Variants in CWC15 observed in about 807,000 individuals in gnomAD.
CWC15 encodes spliceosome-associated protein CWC15 homolog.
Under a neutral mutation model 28.4 loss-of-function variants are expected in CWC15, and 12 were observed. The ratio of observed to expected loss-of-function variants is 0.42; its 90% CI spans 0.27 to 0.69. The LOEUF (loss-of-function observed/expected upper bound fraction) is 0.69. CWC15 is among the 30% of genes least tolerant of loss of function. CWC15 has a pLI of 0.23. For synonymous variants in CWC15, 92 were observed against 88.4 expected, an observed-to-expected ratio of 1.04 and a Z score of -0.23; for missense variants, 192 against 271.5, an observed-to-expected ratio of 0.71 and a Z score of 2.06.
rs1555096124 is a variant in CWC15 at position 94,971,056 on chromosome 11, G to A, written c.254C>T (p.Thr85Ile). ...NRDRPTREHT[T>I]SSSVSKKPRL... ...TGGCTTTTTTGACACTGAAGAGGAG[G>A]TTGTATGTTCTGGGGGGAAACAAAA... The change falls in exon 4 of 7, where the codon ACC (threonine) becomes ATC (isoleucine). Residue 85 changes from threonine to isoleucine, a missense_variant. This residue lies in a region of CWC15 where 188 missense variants were observed against 250.3 expected (regional missense o/e 0.75). Coordinates refer to ENST00000279839, the MANE Select transcript of CWC15 (RefSeq NM_016403.4). 1 of 1,613,388 alleles carries A rather than the reference G, an allele frequency of 6.2e-7. No homozygotes were observed. The highest frequency in any genetic ancestry group is 8.5e-7 in the Non-Finnish European group (1 of 1,179,362).
chr11:94,969,478 ACT>A lies in CWC15; in HGVS notation c.441+509_441+510del, dbSNP rs200948441. Among the ~76,000 whole-genome samples, 28 of 151,600 alleles carry A rather than the reference ACT, an allele frequency of 1.8e-4. No homozygotes were observed. In the East Asian group the frequency reaches 5.2e-3, roughly 28 times the overall value. Reference sequence around the variant, plus strand: ...CTCCTCAGTTTCACCTCTTATTATCACTCTGGGTAATTTATTCAGAATTTTAA... The same window carrying A: ...CTCCTCAGTTTCACCTCTTATTATCACTGGGTAATTTATTCAGAATTTTAA... On this transcript the variant is annotated intron_variant, in intron 5 of 6. Coordinates refer to ENST00000279839, the MANE Select transcript of CWC15 (RefSeq NM_016403.4).
Position 94,963,319 on chromosome 11 carries a change from ACT to A in CWC15, c.*64_*65del. 7.5e-7 allele frequency: 1 copy of A among 1,336,470 alleles called. No homozygotes were observed. The highest frequency in any genetic ancestry group is 9.9e-7 in the Non-Finnish European group (1 of 1,010,258). 82.8% of individuals were successfully genotyped at this position (1,336,470 alleles called of 1,614,324 possible). A position where few individuals can be genotyped will look rare whatever the true frequency, so the allele number is the denominator to read the frequency against. On this transcript the variant is annotated 3_prime_UTR_variant, in exon 7 of 7. Transcript: ENST00000279839. ...TTAGACAGGGGAAAAGAAAAAAAAA[ACT>A]CATAAAAAAAGTCAGAATGATCCTT... is the stretch of plus-strand genomic sequence containing the variant.
chr11:94,963,358 G>T lies in CWC15; in HGVS notation c.*27C>A. On this transcript the variant is annotated 3_prime_UTR_variant, in exon 7 of 7. Transcript: ENST00000279839. ...TCAGAATGATCCTTTACGTTTTACA[G>T]TCTTTAATTAAGCACATAAAACTGT... 6.6e-7 allele frequency: 1 copy of T among 1,520,380 alleles called. No individual in the cohort carries two copies. Among genetic ancestry groups the T allele is most frequent in the Non-Finnish European group, 8.8e-7 (1 of 1,130,588 alleles). 94.2% of individuals were successfully genotyped at this position (1,520,380 alleles called of 1,614,324 possible). A position where few individuals can be genotyped will look rare whatever the true frequency, so the allele number is the denominator to read the frequency against.
rs76382407 is a variant in CWC15, at chr11:94,966,641, T to G, written c.442-228A>C. Among the ~76,000 whole-genome samples, 873 of 151,960 alleles carry G rather than the reference T, an allele frequency of 5.7e-3. 6 individuals carry two copies. Among genetic ancestry groups the G allele is most frequent in the South Asian group, 0.03 (143 of 4,800 alleles). On this transcript the variant is annotated intron_variant, in intron 5 of 6. Transcript: ENST00000279839. Reference sequence around the variant, plus strand: ...ATTTTTATTATAAATATTTCATGGTTGATATCATACAGTAATTAGTCTCTT... The same window carrying G: ...ATTTTTATTATAAATATTTCATGGTGGATATCATACAGTAATTAGTCTCTT...
intron 6 of CWC15, 31 bp downstream of exon 6, chr11:94,966,264 C>CAG (rs1857640747): frequency 9.7e-7 from 1 of 1,025,996 alleles, no homozygotes; most frequent in East Asian, 2.6e-5. Flanking sequence ...CACACACACA[C>CAG]ACACTCCATT....
chr11:94,970,740 TTA>T (rs2134102871), intron 4 of CWC15: 1 of 503,454 alleles, frequency 2.0e-6, no homozygotes, highest in African/African-American at 1.9e-5. Context: ...GCATATCCTT[TTA>T]TAGATTCCTT....
Position 94,971,443 on chromosome 11 carries a change from A to G in CWC15, c.176T>C (p.Phe59Ser). The change falls in exon 3 of 7, where the codon TTC becomes TCC. Residue 59 changes from phenylalanine (F) to serine (S), a missense_variant. Around this residue, in one of 2 missense-constraint regions of CWC15, gnomAD observed 188 missense variants for 250.3 expected, o/e 0.75. Transcript: ENST00000279839. ...CTCTCTTTCTTCCAACTCTCTCCTG[A>G]AGTCACGGTTACGAACCTCTTCAGG... ...DAPEEVRNRD[F>S]RRELEERERA... 6.2e-7 allele frequency: 1 copy of G among 1,612,796 alleles called. No homozygotes were observed. The highest frequency in any genetic ancestry group is 8.5e-7 in the Non-Finnish European group (1 of 1,179,328).
chr11:94,965,514 G>A (rs1565412731), intron 6 of CWC15, among the ~76,000 whole-genome samples: 1 of 152,170 alleles, frequency 6.6e-6, no homozygotes, highest in Non-Finnish European at 1.5e-5. Context: ...CTGCTTGCAA[G>A]GCTGGCCCCT....
chr11:94,967,783 T>G (rs1359968026), intron 5 of CWC15, among the ~76,000 whole-genome samples: 6 of 152,290 alleles, frequency 3.9e-5, no homozygotes, highest in Middle Eastern at 3.4e-3. Context: ...GGTCAGAACT[T>G]AAATCAGGAA....
chr11:94,970,099 A>C lies in CWC15; in HGVS notation c.334-3T>G. On this transcript the variant is annotated splice_region_variant and splice_polypyrimidine_tract_variant and intron_variant, in intron 4 of 6. Coordinates refer to ENST00000279839, the MANE Select transcript of CWC15 (RefSeq NM_016403.4). ...TCTTCAAAATCTTCATCTTCCTCCTAAAAGAACAGTGAGAGCCCAGAAGAT... is the reference window on the plus strand; with the variant it reads ...TCTTCAAAATCTTCATCTTCCTCCTCAAAGAACAGTGAGAGCCCAGAAGAT... The C allele has an allele frequency of 6.9e-7, 1 of 1,443,850 alleles. No individual in the cohort carries two copies. Among genetic ancestry groups the C allele is most frequent in the Non-Finnish European group, 9.5e-7 (1 of 1,051,644 alleles). 89.4% of individuals were successfully genotyped at this position (1,443,850 alleles called of 1,614,324 possible).
At position 94,963,385 on chromosome 11, in the gene CWC15, C is replaced by G; in HGVS notation, c.690G>C (p.Ter230TyrextTer13). ...HKKFMEKYIK* is the reference protein window; with the variant it reads ...HKKFMEKYIKY ...CTTTAATTAAGCACATAAAACTGTACTATTTAATATATTTCTCCATGAACT... is the reference window on the plus strand; with the variant it reads ...CTTTAATTAAGCACATAAAACTGTAGTATTTAATATATTTCTCCATGAACT... Residue 230 changes from the stop codon to tyrosine (Y), a stop_lost, in exon 7 of 7, where the codon TAG becomes TAC. Coordinates refer to ENST00000279839, the MANE Select transcript of CWC15 (RefSeq NM_016403.4). The G allele has an allele frequency of 6.4e-7, 1 of 1,573,350 alleles. No individual in the cohort carries two copies.
intron 6 of CWC15, among the ~76,000 whole-genome samples, chr11:94,964,353 G>T (rs782119202): frequency 2.0e-5 from 3 of 152,248 alleles, no homozygotes; most frequent in Admixed American, 2.0e-4. Flanking sequence ...TGCACAATGA[G>T]CAACAAACGT....
chr11:94,967,584 G>C (rs1323055392), intron 5 of CWC15, among the ~76,000 whole-genome samples: 3 of 152,196 alleles, frequency 2.0e-5, no homozygotes, highest in Admixed American at 1.3e-4. Flanking sequence ...AGGAAAAACA[G>C]ATGGTGTGGA....
At chr11:94,968,967 G>A (rs782329589) in intron 5 of CWC15, among the ~76,000 whole-genome samples, 1 of 152,306 alleles carries the variant, frequency 6.6e-6, no homozygotes, top group African/African-American at 2.4e-5. Flanking sequence ...CTCACAATGT[G>A]TCAAATTTAA....
chr11:94,971,091 CTT>C, intron 3 of CWC15, 26 bp from the exon 4 acceptor site: 2 of 1,569,216 alleles, frequency 1.3e-6, no homozygotes, highest in Non-Finnish European at 1.8e-6. Context: ...AATCATTTAA[CTT>C]AGTAAAACAA....
At chr11:94,967,651 T>C (rs1428144256) in intron 5 of CWC15, among the ~76,000 whole-genome samples, 2 of 152,232 alleles carry the variant, frequency 1.3e-5, no homozygotes, top group Non-Finnish European at 2.9e-5. Flanking sequence ...AGGTTACTGA[T>C]ACTTCATTTC....
Position 94,971,932 on chromosome 11 carries a change from T to C in CWC15, c.131+123A>G, listed in dbSNP as rs587617771. ...CAGAATTTTAGTGTTAAACATCCTA[T>C]TGCATTCTATTCCTATGAAAATAGA... On this transcript the variant is annotated intron_variant, in intron 2 of 6. Coordinates refer to ENST00000279839, the MANE Select transcript of CWC15 (RefSeq NM_016403.4). 2.7e-3 allele frequency: 2,450 copies of C among 910,980 alleles called. 9 individuals are homozygous for C. The highest frequency in any genetic ancestry group is 3.5e-3 in the Non-Finnish European group (2,097 of 605,810). 56.4% of individuals were successfully genotyped at this position (910,980 alleles called of 1,614,324 possible).
In CWC15 at chr11:94,971,136, G is replaced by C. The variant is rs1378830777; in HGVS notation, c.245-71C>G. On this transcript the variant is annotated intron_variant, in intron 3 of 6. Transcript: ENST00000279839. ...ATTTCTTAAAATGTTTTAGGGACCT[G>C]TGAGCACAAGGAGCCCACATTAAAA... The C allele has an allele frequency of 3.0e-6, 4 of 1,354,384 alleles. No individual in the cohort carries two copies. The African/African-American group carries it at 4.3e-5, about 15-fold the overall frequency. The allele number at this position is 1,354,384 out of a possible 1,614,324, so 83.9% of individuals were successfully genotyped here.
rs1555096112 is a variant in CWC15, at chr11:94,971,030, G to A, written c.280C>T (p.Arg94Trp). 3 of 1,613,808 alleles carry A rather than the reference G, an allele frequency of 1.9e-6. No individual in the cohort carries two copies. Among genetic ancestry groups the A allele is most frequent in the Non-Finnish European group, 2.5e-6 (3 of 1,179,726 alleles). The part of the protein sequence containing the change: ...TTSSSVSKKP[R>W]LDQIPAANLD... Reference sequence around the variant, plus strand: ...TTGGCGGCAGGAATCTGGTCTAACCGTGGCTTTTTTGACACTGAAGAGGAG... The same window carrying A: ...TTGGCGGCAGGAATCTGGTCTAACCATGGCTTTTTTGACACTGAAGAGGAG... Residue 94 changes from arginine to tryptophan, a missense_variant, in exon 4 of 7, where the codon CGG (arginine) becomes TGG (tryptophan). By Grantham distance (101) the Arg-to-Trp change is moderately radical. Around this residue, in one of 2 missense-constraint regions of CWC15, gnomAD observed 188 missense variants for 250.3 expected, o/e 0.75. Coordinates refer to ENST00000279839, the MANE Select transcript of CWC15 (RefSeq NM_016403.4).
Sources: allele counts gnomAD v4.1 joint callset (sites outside exome capture counted in the v4.1 genomes callset), GRCh38; gene constraint gnomAD v4.1.1; regional missense constraint gnomAD v4.1.1; transcripts MANE v1.5; gene names NCBI Gene and HGNC (gene_info 2026-07-23, HGNC 2026-07-21).